Variants in KCNB2 observed in about 807,000 individuals in gnomAD.
The protein encoded by KCNB2 is delayed rectifier potassium channel protein.
In KCNB2, 15 loss-of-function variants were observed where a neutral mutation model predicts 61.5. The observed-to-expected ratio is 0.24, with a 90% CI of 0.16 to 0.38. The LOEUF (loss-of-function observed/expected upper bound fraction) is 0.38, where lower values mean the gene tolerates loss of function less well. KCNB2 is among the 10% of genes least tolerant of loss of function. KCNB2 has a pLI of 1.00. For synonymous variants in KCNB2, 457 were observed against 446.0 expected, an observed-to-expected ratio of 1.02 and a Z score of -0.31; for missense variants, 828 against 1,125.2, an observed-to-expected ratio of 0.74 and a Z score of 3.78.
chr8:72,860,387 G>A (rs1253891696), intron 2 of KCNB2, among the ~76,000 whole-genome samples: 1 of 152,132 alleles, frequency 6.6e-6, no homozygotes, highest in Non-Finnish European at 1.5e-5. Flanking sequence ...GATGTGAAAT[G>A]GTATCTTATT....
chr8:72,935,416 C>G (rs1806879499), intron 2 of KCNB2, among the ~76,000 whole-genome samples: 3 of 152,202 alleles, frequency 2.0e-5, no homozygotes, highest in Admixed American at 6.5e-5. Context: ...TCAGTGCTTG[C>G]CACATGAATA....
At chr8:72,700,646 A>G (rs1020615331) in intron 2 of KCNB2, among the ~76,000 whole-genome samples, 2 of 152,146 alleles carry the variant, frequency 1.3e-5, no homozygotes, top group Non-Finnish European at 2.9e-5. Context: ...GAGAATTTAA[A>G]TTAGTTCAGC....
chr8:72,682,716 T>C (rs570392717), intron 2 of KCNB2, among the ~76,000 whole-genome samples: 4 of 152,160 alleles, frequency 2.6e-5, no homozygotes, highest in Middle Eastern at 3.4e-3. Context: ...ACCTCAGCCT[T>C]CTGAGTAGTT....
At chr8:72,833,647 TA>T (rs1336049046) in intron 2 of KCNB2, among the ~76,000 whole-genome samples, 2 of 152,136 alleles carry the variant, frequency 1.3e-5, no homozygotes, top group African/African-American at 4.8e-5. Flanking sequence ...AGTTAATCAT[TA>T]AATCAAAAAG....
Position 72,927,463 on chromosome 8 carries a change from G to T in KCNB2, c.580-8472G>T, listed in dbSNP as rs542427039. Among the ~76,000 whole-genome samples, 21 of 152,144 alleles carry T rather than the reference G, an allele frequency of 1.4e-4. No individual in the cohort carries two copies. The South Asian group carries it at 4.3e-3, about 32-fold the overall frequency. On this transcript the variant is annotated intron_variant, in intron 2 of 2. Transcript: ENST00000523207. ...TTTTTGTATGTTTAGTAGAGACAGG[G>T]TTTCACTGTGTTGGTCAGGCTGGTC...
intron 2 of KCNB2, among the ~76,000 whole-genome samples, chr8:72,671,209 G>C (rs1806559244): frequency 6.6e-6 from 1 of 152,068 alleles, no homozygotes. Flanking sequence ...ATAATGTCTT[G>C]CACAAAGGCA....
At chr8:72,815,365 A>G (rs928930201) in intron 2 of KCNB2, among the ~76,000 whole-genome samples, 1 of 152,180 alleles carries the variant, frequency 6.6e-6, no homozygotes, top group African/African-American at 2.4e-5. Context: ...AGCCTATTTT[A>G]TACCTTTCTA....
chr8:72,854,037 A>G (rs1253436917), intron 2 of KCNB2, among the ~76,000 whole-genome samples: 1 of 152,188 alleles, frequency 6.6e-6, no homozygotes, highest in Non-Finnish European at 1.5e-5. Flanking sequence ...ATTTCCCTCA[A>G]TTAAATTAGA....
At position 72,784,584 on chromosome 8, in the gene KCNB2, G is replaced by A. The variant is rs141294695; in HGVS notation, c.580-151351G>A. ...CAAACATGTCCTTCTTCACATGATG[G>A]CAGGAAGAAGTGCAGAGCAAAGGGA... is the stretch of plus-strand genomic sequence containing the variant. On this transcript the variant is annotated intron_variant, in intron 2 of 2. Coordinates refer to ENST00000523207, the MANE Select transcript of KCNB2 (RefSeq NM_004770.3). Among the ~76,000 whole-genome samples the A allele has an allele frequency of 6.3e-3, 964 of 152,240 alleles. 7 individuals carry two copies. Among genetic ancestry groups the A allele is most frequent in the African/African-American group, 0.021 (891 of 41,538 alleles).
At chr8:72,829,226 A>G (rs1167049693) in intron 2 of KCNB2, among the ~76,000 whole-genome samples, 1 of 152,210 alleles carries the variant, frequency 6.6e-6, no homozygotes, top group East Asian at 1.9e-4. Flanking sequence ...ATTCCTGAAG[A>G]CACTGTCTTA....
At chr8:72,646,546 AAAGG>A (rs1393812961) in intron 2 of KCNB2, among the ~76,000 whole-genome samples, 3 of 152,196 alleles carry the variant, frequency 2.0e-5, no homozygotes, top group Non-Finnish European at 4.4e-5. Flanking sequence ...TTAGCCTTAA[AAAGG>A]AAGGAAGTGC....
Position 72,561,733 on chromosome 8 carries a change from A to ATG in KCNB2, c.-93-5908_-93-5907insGT, listed in dbSNP as rs1554576127. Among the ~76,000 whole-genome samples, 39 of 18,472 alleles carry ATG rather than the reference A, an allele frequency of 2.1e-3. 4 individuals carry two copies. Among genetic ancestry groups the ATG allele is most frequent in the South Asian group, 2.8e-3 (2 of 706 alleles). 12.1% of individuals were successfully genotyped at this position (18,472 alleles called of 152,430 possible). A position where few individuals can be genotyped will look rare whatever the true frequency, so the allele number is the denominator to read the frequency against. ...TATATATATATATATATATATCTAT[A>ATG]TCTATATATATATGTATATATATAT... is the stretch of plus-strand genomic sequence containing the variant. On this transcript the variant is annotated intron_variant, in intron 1 of 2. Coordinates refer to ENST00000523207, the MANE Select transcript of KCNB2 (RefSeq NM_004770.3).
chr8:72,744,833 A>G (rs189656592), intron 2 of KCNB2, among the ~76,000 whole-genome samples: 34 of 152,354 alleles, frequency 2.2e-4, no homozygotes, highest in African/African-American at 7.2e-4. Context: ...CACAATGACA[A>G]GAAAAAGCCA....
chr8:72,772,088 C>T (rs1193273128), intron 2 of KCNB2, among the ~76,000 whole-genome samples: 2 of 152,176 alleles, frequency 1.3e-5, no homozygotes, highest in East Asian at 1.9e-4. Flanking sequence ...AACACAGGGA[C>T]ACGGGATGGA....
At chr8:72,919,050 C>A (rs1189643385) in intron 2 of KCNB2, among the ~76,000 whole-genome samples, 1 of 152,140 alleles carries the variant, frequency 6.6e-6, no homozygotes, top group Non-Finnish European at 1.5e-5. Flanking sequence ...TCTTTTTCAC[C>A]ATATCTTCAA....
At position 72,937,015 on chromosome 8, in the gene KCNB2, T is replaced by C. The variant is rs1806919541; in HGVS notation, c.1660T>C (p.Ser554Pro). The C allele has an allele frequency of 1.2e-6, 2 of 1,613,968 alleles. No individual in the cohort carries two copies. The highest frequency in any genetic ancestry group is 1.7e-6 in the Non-Finnish European group (2 of 1,179,988). The stretch of plus-strand genomic sequence containing the variant: ...TGAAATCACCAAGACACAGCCTCAT[T>C]CTCACCCAAACCCAGACTGCCAAGA... ...YNEITKTQPHSHPNPDCQEKP... is the reference protein window; with the variant it reads ...YNEITKTQPHPHPNPDCQEKP... Residue 554 changes from serine (S) to proline (P), a missense_variant, in exon 3 of 3, where the codon TCT (serine) becomes CCT (proline). By Grantham distance (74) the Ser-to-Pro change is moderately conservative (BLOSUM62 -1). Around this residue, in one of 4 missense-constraint regions of KCNB2, gnomAD observed 559 missense variants for 588.4 expected, o/e 0.95. Transcript: ENST00000523207.
At chr8:72,737,353 A>G (rs1376760423) in intron 2 of KCNB2, among the ~76,000 whole-genome samples, 7 of 152,224 alleles carry the variant, frequency 4.6e-5, no homozygotes, top group Admixed American at 2.6e-4. Flanking sequence ...GGCAAAATTG[A>G]TAGCCTGTTC....
intron 1 of KCNB2, among the ~76,000 whole-genome samples, chr8:72,558,670 T>G (rs1344935478): frequency 2.0e-5 from 3 of 152,180 alleles, no homozygotes; most frequent in Non-Finnish European, 2.9e-5. Flanking sequence ...GCACGTCACT[T>G]GGGGCACAAT....
chr8:72,568,442 A>T lies in KCNB2; in HGVS notation c.579+129A>T, dbSNP rs1181252292. 8.0e-6 allele frequency: 6 copies of T among 753,104 alleles called. No individual in the cohort carries two copies. The East Asian group carries it at 1.6e-4, about 20-fold the overall frequency. 46.7% of individuals were successfully genotyped at this position (753,104 alleles called of 1,614,324 possible). A position where few individuals can be genotyped will look rare whatever the true frequency, so the allele number is the denominator to read the frequency against. ...GTGTGGCTACACAGACAGTGAAAAA[A>T]TCCTTTCCAAAATCTTATTTAGTCC... On this transcript the variant is annotated intron_variant, in intron 2 of 2. Transcript: ENST00000523207.
Sources: gnomAD v4.1 joint callset for allele counts (sites outside exome capture counted in the v4.1 genomes callset) on GRCh38, gnomAD v4.1.1 for gene constraint, gnomAD v4.1.1 regional missense constraint, MANE v1.5 for transcripts, NCBI Gene and HGNC (gene_info 2026-07-23, HGNC 2026-07-21) for gene names.